MCTP2: variants seen among roughly 807,000 people sequenced by gnomAD.
MCTP2 encodes multiple C2 and transmembrane domain containing 2.
In MCTP2, 132 loss-of-function variants were observed where a neutral mutation model predicts 111.6. The ratio of observed to expected loss-of-function variants is 1.18; its 90% CI spans 1.03 to 1.37. MCTP2 has a LOEUF of 1.37. MCTP2 is among the 40% of genes most tolerant of loss of function. The pLI is 0.00. For synonymous variants in MCTP2, 395 were observed against 387.7 expected (o/e 1.02, Z -0.22); for missense variants, 1,183 against 1,067.9 (o/e 1.11, Z -1.50).
intron 4 of MCTP2, among the ~76,000 whole-genome samples, chr15:94,336,711 ATATG>A (rs1196574307): frequency 6.7e-6 from 1 of 149,316 alleles, no homozygotes; most frequent in East Asian, 1.9e-4. Flanking sequence ...ATGTGCATAT[ATATG>A]TATGTGTATA....
intron 19 of MCTP2, among the ~76,000 whole-genome samples, chr15:94,454,040 G>C (rs2084641602): frequency 6.6e-6 from 1 of 152,092 alleles, no homozygotes; most frequent in Admixed American, 6.5e-5. Context: ...AAATGACCAA[G>C]TAGCTGTTAA....
intron 16 of MCTP2, among the ~76,000 whole-genome samples, 189 bp from the exon 17 acceptor site, chr15:94,401,711 C>T (rs1232126167): frequency 6.6e-6 from 1 of 152,214 alleles, no homozygotes; most frequent in East Asian, 1.9e-4. Context: ...ATTTGATTCT[C>T]ATTTCCTCTA....
At chr15:94,372,197 T>C (rs1021548775) in intron 12 of MCTP2, among the ~76,000 whole-genome samples, 3 of 152,258 alleles carry the variant, frequency 2.0e-5, no homozygotes, top group African/African-American at 7.2e-5. Flanking sequence ...GTGGTTCGAC[T>C]AAATGCCCTG....
rs574840192 is a variant in MCTP2 at position 94,459,839 on chromosome 15, C to G, written c.2360+1593C>G. On this transcript the variant is annotated intron_variant, in intron 20 of 22. Transcript: ENST00000357742. ...TAGCAACACCAACTGTTATCGCATG[C>G]CAGCCATGCACTCTTCTAAGCCCTT... 4.6e-5 allele frequency among the ~76,000 whole-genome samples: 7 copies of G among 152,308 alleles called. No individual in the cohort carries two copies. In the South Asian group the frequency reaches 1.5e-3, roughly 32 times the overall value.
intron 2 of MCTP2, among the ~76,000 whole-genome samples, chr15:94,301,057 G>A (rs2075585510): frequency 1.3e-5 from 2 of 152,152 alleles, no homozygotes; most frequent in South Asian, 4.1e-4. Flanking sequence ...TTCCAGAATA[G>A]GTTATTCTGG....
At chr15:94,315,430 T>A in intron 3 of MCTP2, 99 bp from the exon 4 acceptor site, 1 of 779,168 alleles carries the variant, frequency 1.3e-6, no homozygotes, top group South Asian at 1.7e-5. Flanking sequence ...ATCATCATAG[T>A]GGCCTTTCTT....
At chr15:94,384,939 T>C (rs1453168781) in intron 13 of MCTP2, among the ~76,000 whole-genome samples, 1 of 152,210 alleles carries the variant, frequency 6.6e-6, no homozygotes, top group African/African-American at 2.4e-5. Context: ...CTGGTCAATA[T>C]TAAAATATGT....
At chr15:94,286,595 C>G (rs939447470) in intron 1 of MCTP2, among the ~76,000 whole-genome samples, 4 of 152,160 alleles carry the variant, frequency 2.6e-5, no homozygotes, top group Non-Finnish European at 5.9e-5. Context: ...CTAAAATGCT[C>G]TGTAAAATTA....
chr15:94,242,958 CACGTGTATATGTGTATCTACACAT>C (rs1240352101), intron 1 of MCTP2, among the ~76,000 whole-genome samples: 85 of 104,272 alleles, frequency 8.2e-4, no homozygotes, highest in African/African-American at 2.8e-3. Context: ...TACACATATA[CACGTGTATATGTGTATCTACACAT>C]ACACGTGTAT....
chr15:94,244,126 A>G (rs369568786), intron 1 of MCTP2, among the ~76,000 whole-genome samples: 3,321 of 140,446 alleles, frequency 0.024, 192 homozygotes, highest in African/African-American at 0.085. Context: ...TTATATACAC[A>G]TGTATACACA....
At chr15:94,460,656 G>A (rs1183289700) in intron 20 of MCTP2, among the ~76,000 whole-genome samples, 4 of 152,356 alleles carry the variant, frequency 2.6e-5, no homozygotes, top group Admixed American at 1.3e-4. Context: ...TCTGAGGAGA[G>A]AAGAGGGCAG....
At chr15:94,410,079 A>G (rs1262742257) in intron 17 of MCTP2, among the ~76,000 whole-genome samples, 1 of 152,184 alleles carries the variant, frequency 6.6e-6, no homozygotes, top group Non-Finnish European at 1.5e-5. Flanking sequence ...AAATTAGGTC[A>G]TAAGCATGGA....
intron 17 of MCTP2, among the ~76,000 whole-genome samples, chr15:94,417,785 C>T (rs2082442609): frequency 6.6e-6 from 1 of 152,114 alleles, no homozygotes; most frequent in African/African-American, 2.4e-5. Context: ...CCAAGACATT[C>T]TTGATATGAT....
chr15:94,283,894 C>A (rs2074621511), intron 1 of MCTP2, among the ~76,000 whole-genome samples: 1 of 152,104 alleles, frequency 6.6e-6, no homozygotes, highest in Non-Finnish European at 1.5e-5. Flanking sequence ...ACCAAATTTT[C>A]TTTTTAAATG....
At chr15:94,279,779 C>G (rs531072086) in intron 1 of MCTP2, among the ~76,000 whole-genome samples, 21 of 152,090 alleles carry the variant, frequency 1.4e-4, no homozygotes, top group Admixed American at 3.3e-4. Context: ...TATTATGTTC[C>G]TTTGATGCCT....
intron 4 of MCTP2, among the ~76,000 whole-genome samples, chr15:94,325,524 A>G (rs557411904): frequency 6.6e-6 from 1 of 152,072 alleles, no homozygotes; most frequent in South Asian, 2.1e-4. Context: ...TTCTTTTGAG[A>G]TAAAAGTTCC....
At chr15:94,245,730 A>G (rs540417152) in intron 1 of MCTP2, among the ~76,000 whole-genome samples, 1 of 148,606 alleles carries the variant, frequency 6.7e-6, no homozygotes, top group East Asian at 2.0e-4. Context: ...ATATATATAT[A>G]TATATCTATA....
At chr15:94,251,356 G>A (rs998859937) in intron 1 of MCTP2, among the ~76,000 whole-genome samples, 1 of 134,626 alleles carries the variant, frequency 7.4e-6, no homozygotes, top group Non-Finnish European at 1.6e-5. Context: ...AACCTAATAC[G>A]CATTTTGTTT....
At chr15:94,337,684 T>C (rs2388753) in intron 4 of MCTP2, among the ~76,000 whole-genome samples, 26,128 of 151,848 alleles carry the variant, frequency 0.17, 2,608 homozygotes, top group East Asian at 0.31. Flanking sequence ...TGTGTGTGTG[T>C]GCGCGCGCAT....
Sources: allele counts gnomAD v4.1 joint callset (sites outside exome capture counted in the v4.1 genomes callset), GRCh38; gene constraint gnomAD v4.1.1; transcripts MANE v1.5; gene names NCBI Gene and HGNC (gene_info 2026-07-23, HGNC 2026-07-21).